SPATA31H1: variants seen among roughly 807,000 people sequenced by gnomAD.
SPATA31H1 encodes SPATA31 subfamily H member 1.
At chr2:27,582,491 A>C in the SPATA31H1 span, 1 of 1,611,968 alleles carries the variant, frequency 6.2e-7, no homozygotes, top group South Asian at 1.1e-5. Context: ...AAAATCCCAA[A>C]GCAGGGCAAG....
chr2:27,568,104 C>T, the SPATA31H1 span: 1 of 398,918 alleles, frequency 2.5e-6, no homozygotes, highest in Non-Finnish European at 4.4e-6. Context: ...GAAAGTAACT[C>T]CTGTAGCACT....
At chr2:27,577,544 G>C in the SPATA31H1 span, 1 of 1,614,038 alleles carries the variant, frequency 6.2e-7, no homozygotes, top group Admixed American at 1.7e-5. The surrounding 1 kb of genome is among the most constrained non-coding windows in gnomAD (Gnocchi z 4.5). Context: ...TGATCTCTGA[G>C]AAAAGACTGC....
At chr2:27,579,986 C>G in the SPATA31H1 span, 1 of 1,614,134 alleles carries the variant, frequency 6.2e-7, no homozygotes. Context: ...AATTACAGAC[C>G]ACTTCGGGGC....
At chr2:27,550,359 G>A in the SPATA31H1 span, among the ~76,000 whole-genome samples, 3 of 148,120 alleles carry the variant, frequency 2.0e-5, no homozygotes, top group African/African-American at 7.5e-5. Context: ...AAATTAAGGA[G>A]GTTCCCTTTT....
chr2:27,572,368 G>A, the SPATA31H1 span: 12 of 398,306 alleles, frequency 3.0e-5, no homozygotes, highest in Middle Eastern at 3.1e-3. Context: ...GAGTTCCAAG[G>A]TCTAAAATCT....
the SPATA31H1 span, among the ~76,000 whole-genome samples, chr2:27,551,581 T>C: frequency 1.3e-5 from 2 of 151,988 alleles, no homozygotes; most frequent in Admixed American, 1.3e-4. Context: ...CAAGAGTTGA[T>C]GTTGTAGTCT....
the SPATA31H1 span, chr2:27,573,124 G>A: frequency 1.0e-5 from 4 of 397,644 alleles, no homozygotes; most frequent in Non-Finnish European, 1.8e-5. Flanking sequence ...GAGTCGGGAG[G>A]TGTAAAATCA....
the SPATA31H1 span, chr2:27,578,437 T>A: frequency 6.2e-7 from 1 of 1,614,032 alleles, no homozygotes; most frequent in Non-Finnish European, 8.5e-7. Context: ...GGAGTAGCCC[T>A]AGAATCAGGA....
At chr2:27,562,344 C>T in the SPATA31H1 span, among the ~76,000 whole-genome samples, 3 of 151,356 alleles carry the variant, frequency 2.0e-5, no homozygotes, top group South Asian at 2.1e-4. Flanking sequence ...AATGAGACCT[C>T]GTCTCTACAA....
chr2:27,576,759 T>C, the SPATA31H1 span: 2 of 1,614,008 alleles, frequency 1.2e-6, no homozygotes, highest in Non-Finnish European at 8.5e-7. Flanking sequence ...TGTGAAATCT[T>C]TGGAGTTTAC....
the SPATA31H1 span, among the ~76,000 whole-genome samples, chr2:27,538,309 T>G: frequency 6.6e-6 from 1 of 152,100 alleles, no homozygotes; most frequent in Non-Finnish European, 1.5e-5. Flanking sequence ...TGGGGGATCT[T>G]GTTAAAAAGC....
the SPATA31H1 span, chr2:27,576,653 G>T: frequency 6.2e-7 from 1 of 1,613,508 alleles, no homozygotes; most frequent in Non-Finnish European, 8.5e-7. Flanking sequence ...TGAAATCAAT[G>T]ATGTTGGTAC....
At chr2:27,582,172 G>A in the SPATA31H1 span, 20 of 1,613,890 alleles carry the variant, frequency 1.2e-5, no homozygotes, top group Admixed American at 3.3e-5. Flanking sequence ...CCCTCTGAGA[G>A]GAGAGGACAC....
the SPATA31H1 span, among the ~76,000 whole-genome samples, chr2:27,550,346 A>G: frequency 2.0e-5 from 3 of 148,996 alleles, no homozygotes; most frequent in South Asian, 2.1e-4. Context: ...AAAATACTCT[A>G]TCAAATTAAG....
the SPATA31H1 span, chr2:27,572,978 C>T: frequency 2.4e-3 from 948 of 397,922 alleles, 11 homozygotes; most frequent in African/African-American, 0.018. Context: ...TAGAGCTAAA[C>T]CAAGACTCAC....
At chr2:27,562,802 G>C in the SPATA31H1 span, among the ~76,000 whole-genome samples, 3 of 150,644 alleles carry the variant, frequency 2.0e-5, no homozygotes, top group African/African-American at 7.3e-5. Context: ...CAGGAGAATC[G>C]CTTGAACCTG....
At chr2:27,577,209 G>C in the SPATA31H1 span, 1 of 1,613,936 alleles carries the variant, frequency 6.2e-7, no homozygotes, top group Admixed American at 1.7e-5. This position sits in a 1 kb window ranked among gnomAD's most constrained non-coding sequence, Gnocchi z 4.5. Flanking sequence ...GACTCCAATG[G>C]TAAGGGATCA....
the SPATA31H1 span, chr2:27,576,702 A>C: frequency 1.2e-6 from 2 of 1,614,122 alleles, no homozygotes; most frequent in Non-Finnish European, 1.7e-6. Context: ...ACCACTGTTG[A>C]CTAGTGTCAG....
At chr2:27,571,241 G>A in the SPATA31H1 span, 19 of 398,414 alleles carry the variant, frequency 4.8e-5, no homozygotes, top group East Asian at 3.9e-4. Flanking sequence ...AGGTAACCCC[G>A]GGCTCAAAGC....
Sources: allele counts gnomAD v4.1 joint callset (sites outside exome capture counted in the v4.1 genomes callset), GRCh38; gene constraint gnomAD v4.1.1; non-coding constraint Gnocchi (gnomAD v3.1); transcripts MANE v1.5; gene names NCBI Gene and HGNC (gene_info 2026-07-23, HGNC 2026-07-21).